Variants in BAHCC1 observed in about 807,000 individuals in gnomAD.
BAHCC1 encodes the protein BAH and coiled-coil domain-containing protein 1.
A neutral mutation model predicts 88.2 loss-of-function variants in BAHCC1; 43 were observed. The observed-to-expected ratio is 0.49, with a 90% CI of 0.38 to 0.63. BAHCC1 has a LOEUF of 0.63. BAHCC1 is among the 20% of genes least tolerant of loss of function. The pLI, the probability that BAHCC1 is intolerant of heterozygous loss-of-function variation, is 0.00. For synonymous variants in BAHCC1, 1,510 were observed against 745.5 expected (o/e 2.03, Z -16.71); for missense variants, 3,023 against 1,654.8 (o/e 1.83, Z -14.34).
In BAHCC1 at chr17:81,443,581, G is replaced by C; in HGVS notation, c.2215+17G>C. Reference sequence around the variant, plus strand: ...CCTTCAAAGGTACAGGCCCTGCACAGAGAGGGAGGCAGGCCGGGACAGTCT... The same window carrying C: ...CCTTCAAAGGTACAGGCCCTGCACACAGAGGGAGGCAGGCCGGGACAGTCT... On this transcript the variant is annotated intron_variant, in intron 5 of 27. Coordinates refer to ENST00000675386, the MANE Select transcript of BAHCC1 (RefSeq NM_001377448.1). 1 of 624,176 alleles carries C rather than the reference G, an allele frequency of 1.6e-6. No homozygotes were observed. The highest frequency in any genetic ancestry group is 2.9e-6 in the Non-Finnish European group (1 of 345,352). The allele number at this position is 624,176 out of a possible 1,614,324, so 38.7% of individuals were successfully genotyped here.
rs372516548 is a variant in BAHCC1, at chr17:81,447,094, C to T, written c.3222C>T (p.Asp1074=). 57 of 779,288 alleles carry T rather than the reference C, an allele frequency of 7.3e-5. No homozygotes were observed. Among genetic ancestry groups the T allele is most frequent in the Middle Eastern group, 4.5e-4 (2 of 4,462 alleles). 48.3% of individuals were successfully genotyped at this position (779,288 alleles called of 1,614,324 possible). A position where few individuals can be genotyped will look rare whatever the true frequency, so the allele number is the denominator to read the frequency against. Residue 1074 remains aspartate (D), a synonymous_variant, in exon 11 of 28, where the codon GAC becomes GAT. Transcript: ENST00000675386. ...GCCTGGGCTTCTCCCTACCCTCAGA[C>T]GTGCACTCTTCTAACCTCGAGGACC... is the stretch of plus-strand genomic sequence containing the variant. ...MAGLGFSLPS[D]VHSSNLEDPE...
At chr17:81,404,560 A>G (rs2063856967) in intron 2 of BAHCC1, among the ~76,000 whole-genome samples, 1 of 152,162 alleles carries the variant, frequency 6.6e-6, no homozygotes, top group Non-Finnish European at 1.5e-5. Context: ...CTGGAGGAGG[A>G]TGGAGACTAT....
intron 11 of BAHCC1, 21 bp downstream of exon 11, chr17:81,447,869 C>A: frequency 1.4e-6 from 1 of 718,456 alleles, no homozygotes; most frequent in Non-Finnish European, 2.6e-6. Flanking sequence ...TGGTTGCCGC[C>A]ACCCCCCAGA....
intron 3 of BAHCC1, among the ~76,000 whole-genome samples, chr17:81,436,425 G>A (rs1033154202): frequency 6.6e-6 from 1 of 152,258 alleles, no homozygotes; most frequent in South Asian, 2.1e-4. Context: ...GGGGGGACCG[G>A]GGCTCCGTGC....
At position 81,411,147 on chromosome 17, in the gene BAHCC1, C is replaced by T; in HGVS notation, c.178+11230C>T. On this transcript the variant is annotated intron_variant, in intron 2 of 27. Transcript: ENST00000675386. This position sits in a 1 kb window ranked among gnomAD's most constrained non-coding sequence, Gnocchi z 6.2. The stretch of plus-strand genomic sequence containing the variant: ...CTGCGTGAGTCCATTCATCACGTGC[C>T]TGCAGGTGCCTGTGTCCTGTCTCTG... 2 of 519,246 alleles carry T rather than the reference C, an allele frequency of 3.9e-6. No homozygotes were observed. The highest frequency in any genetic ancestry group is 1.4e-5 in the South Asian group (1 of 71,562). 32.2% of individuals were successfully genotyped at this position (519,246 alleles called of 1,614,324 possible). A position where few individuals can be genotyped will look rare whatever the true frequency, so the allele number is the denominator to read the frequency against.
chr17:81,402,847 C>G (rs1446625442), intron 2 of BAHCC1: 1 of 152,230 alleles, frequency 6.6e-6, no homozygotes, highest in African/African-American at 2.4e-5. Flanking sequence ...ACATGGGGCT[C>G]CCAGGCTTCT....
chr17:81,460,192 T>A, intron 23 of BAHCC1, 85 bp from the exon 24 acceptor site: 34 of 652,808 alleles, frequency 5.2e-5, no homozygotes, highest in Non-Finnish European at 7.7e-5. Context: ...CCCCTCACCC[T>A]CCCCACCGGC....
chr17:81,446,041 G>T (rs1296348801), intron 10 of BAHCC1, among the ~76,000 whole-genome samples: 1 of 152,140 alleles, frequency 6.6e-6, no homozygotes, highest in Non-Finnish European at 1.5e-5. Context: ...TGCCATTCAG[G>T]GTCTCAGCAA....
At position 81,399,830 on chromosome 17, in the gene BAHCC1, G is replaced by C; in HGVS notation, c.91G>C (p.Ala31Pro). 7.5e-7 allele frequency: 1 copy of C among 1,341,868 alleles called. No homozygotes were observed. Among genetic ancestry groups the C allele is most frequent in the South Asian group, 1.9e-5 (1 of 54,026 alleles). The allele number at this position is 1,341,868 out of a possible 1,614,324, so 83.1% of individuals were successfully genotyped here. A position where few individuals can be genotyped will look rare whatever the true frequency, so the allele number is the denominator to read the frequency against. The part of the protein sequence containing the change: ...HRSAAAAARL[A>P]PAGPAAQPPA... The stretch of plus-strand genomic sequence containing the variant: ...CAGCGCCGCTGCCGCCGCGCGTCTC[G>C]CCCCGGCTGGGCCCGCCGCGCAGCC... Residue 31 changes from alanine (A) to proline (P), a missense_variant, in exon 2 of 28, where the codon GCC becomes CCC. By Grantham distance (27) the Ala-to-Pro change is conservative. Coordinates refer to ENST00000675386, the MANE Select transcript of BAHCC1 (RefSeq NM_001377448.1). The surrounding 1 kb of genome is among the most constrained non-coding windows in gnomAD (Gnocchi z 4.5).
rs1252495391 is a variant in BAHCC1 at position 81,466,261 on chromosome 17, A to G, written c.*2444A>G. ...GTTTTATGAACAGCAGACTCTATGT[A>G]AAGGCATTTTAGTATCAAATTTTTT... is the stretch of plus-strand genomic sequence containing the variant. On this transcript the variant is annotated 3_prime_UTR_variant, in exon 28 of 28. Coordinates refer to ENST00000675386, the MANE Select transcript of BAHCC1 (RefSeq NM_001377448.1). The G allele has an allele frequency of 6.6e-6, 1 of 152,606 alleles. No homozygotes were observed. The highest frequency in any genetic ancestry group is 1.5e-5 in the Non-Finnish European group (1 of 68,038). 9.5% of individuals were successfully genotyped at this position (152,606 alleles called of 1,614,324 possible).
intron 2 of BAHCC1, among the ~76,000 whole-genome samples, chr17:81,416,071 TGTATGTGC>T (rs1392225297): frequency 4.7e-5 from 7 of 148,930 alleles, no homozygotes; most frequent in African/African-American, 1.8e-4. Flanking sequence ...TGAGGATGGG[TGTATGTGC>T]GTGTGTGCGT....
chr17:81,438,836 G>A (rs914206455), intron 4 of BAHCC1, among the ~76,000 whole-genome samples: 3 of 152,198 alleles, frequency 2.0e-5, no homozygotes, highest in African/African-American at 7.2e-5. Context: ...CCAGCAGCCC[G>A]GGGATGGTGG....
At chr17:81,457,015 G>GC (rs1555657488) in intron 16 of BAHCC1, among the ~76,000 whole-genome samples, 1 of 152,102 alleles carries the variant, frequency 6.6e-6, no homozygotes, top group Non-Finnish European at 1.5e-5. Flanking sequence ...TCTTCTGCCA[G>GC]CCCCTTCCCC....
chr17:81,447,022 C>T lies in BAHCC1; in HGVS notation c.3164-14C>T, dbSNP rs782343557. 7.7e-6 allele frequency: 6 copies of T among 778,736 alleles called. No individual in the cohort carries two copies. Among genetic ancestry groups the T allele is most frequent in the East Asian group, 4.8e-5 (2 of 41,266 alleles). 48.2% of individuals were successfully genotyped at this position (778,736 alleles called of 1,614,324 possible). A position where few individuals can be genotyped will look rare whatever the true frequency, so the allele number is the denominator to read the frequency against. On this transcript the variant is annotated splice_polypyrimidine_tract_variant and intron_variant, in intron 10 of 27. Coordinates refer to ENST00000675386, the MANE Select transcript of BAHCC1 (RefSeq NM_001377448.1). ...CACTCCCAGCTCCCTGCTGACCTGT[C>T]CCCTCCTTTGCAGACCTGCCTCCCG...
At chr17:81,422,958 G>A in intron 2 of BAHCC1, 1 of 284,804 alleles carries the variant, frequency 3.5e-6, no homozygotes, top group Non-Finnish European at 6.9e-6. Context: ...AGCAGGGGAA[G>A]CCAGCACTTC....
At chr17:81,454,591 G>A (rs1369936740) in intron 14 of BAHCC1, among the ~76,000 whole-genome samples, 6 of 105,814 alleles carry the variant, frequency 5.7e-5, no homozygotes, top group Admixed American at 1.4e-4. Flanking sequence ...GTGGGACTCC[G>A]GTTGGCACGT....
At position 81,411,597 on chromosome 17, in the gene BAHCC1, C is replaced by A. The variant is rs991720394; in HGVS notation, c.178+11680C>A. 2.3e-6 allele frequency: 1 copy of A among 440,058 alleles called. No homozygotes were observed. Among genetic ancestry groups the A allele is most frequent in the Admixed American group, 2.5e-5 (1 of 39,918 alleles). The allele number at this position is 440,058 out of a possible 1,614,324, so 27.3% of individuals were successfully genotyped here. A position where few individuals can be genotyped will look rare whatever the true frequency, so the allele number is the denominator to read the frequency against. On this transcript the variant is annotated intron_variant, in intron 2 of 27. Coordinates refer to ENST00000675386, the MANE Select transcript of BAHCC1 (RefSeq NM_001377448.1). This position sits in a 1 kb window ranked among gnomAD's most constrained non-coding sequence, Gnocchi z 6.2. ...CTTGAGAGGCCTCTCTACCCAGCAC[C>A]CACGAAGACGGGTGAGCTGCTGGCC...
chr17:81,461,235 GGGTGGAGGCCGAGAA>G lies in BAHCC1; in HGVS notation c.6575_6589del (p.Val2192_Lys2196del), dbSNP rs1568038473. 1.4e-6 allele frequency: 1 copy of G among 712,932 alleles called. No homozygotes were observed. The highest frequency in any genetic ancestry group is 1.5e-5 in the South Asian group (1 of 67,340). The allele number at this position is 712,932 out of a possible 1,614,324, so 44.2% of individuals were successfully genotyped here. ...CTGCTGCGGGCTAAGAAGGCCGAGA[GGGTGGAGGCCGAGAA>G]GGGTGGGCGGCGGCGGGCGGGCGGT... On this transcript the variant is annotated inframe_deletion, in exon 26 of 28. Transcript: ENST00000675386.
At chr17:81,433,353 C>T (rs1555651200) in intron 3 of BAHCC1, among the ~76,000 whole-genome samples, 1 of 152,180 alleles carries the variant, frequency 6.6e-6, no homozygotes, top group Non-Finnish European at 1.5e-5. Flanking sequence ...AGGGAAGGGG[C>T]CGCTGCAAGG....
Sources: allele counts gnomAD v4.1 joint callset (sites outside exome capture counted in the v4.1 genomes callset), GRCh38; gene constraint gnomAD v4.1.1; non-coding constraint Gnocchi (gnomAD v3.1); transcripts MANE v1.5; gene names NCBI Gene and HGNC (gene_info 2026-07-23, HGNC 2026-07-21).